Variants in NSL1 observed in about 807,000 individuals in gnomAD.
NSL1 encodes kinetochore-associated protein NSL1 homolog.
In NSL1, 11 loss-of-function variants were observed where a neutral mutation model predicts 25.4. The ratio of observed to expected loss-of-function variants is 0.43; its 90% confidence interval spans 0.27 to 0.72. The LOEUF is 0.72. NSL1 is among the 30% of genes least tolerant of loss of function. The pLI is 0.19. For missense variants in NSL1, 330 were observed against 342.7 expected, an observed-to-expected ratio of 0.96 and a Z score of 0.29; for synonymous variants, 118 against 120.6, an observed-to-expected ratio of 0.98 and a Z score of 0.14.
Position 212,728,715 on chromosome 1 carries a change from C to T in NSL1, c.*9693G>A. The stretch of plus-strand genomic sequence containing the variant: ...AGATCTCTGGAGAATGGAACACCTT[C>T]ACAGACAACATCAGGGATAAACCTG... On this transcript the variant is annotated 3_prime_UTR_variant, in exon 6 of 6. Coordinates refer to ENST00000366977, the MANE Select transcript of NSL1 (RefSeq NM_015471.4). The T allele has an allele frequency of 1.0e-6, 1 of 985,462 alleles. No individual in the cohort carries two copies. The highest frequency in any genetic ancestry group is 1.2e-6 in the Non-Finnish European group (1 of 829,940). 61.0% of individuals were successfully genotyped at this position (985,462 alleles called of 1,614,324 possible).
rs1657882216 is a variant in NSL1 at position 212,728,623 on chromosome 1, T to C, written c.*9785A>G. On this transcript the variant is annotated 3_prime_UTR_variant, in exon 6 of 6. Transcript: ENST00000366977. ...GGAAAAAAATGGTTTCTGAGAATTCTGAGGCTCTGATCTGATGAGTGAAGG... is the reference window on the plus strand; with the variant it reads ...GGAAAAAAATGGTTTCTGAGAATTCCGAGGCTCTGATCTGATGAGTGAAGG... The C allele has an allele frequency of 2.0e-6, 2 of 985,476 alleles. No individual in the cohort carries two copies. The highest frequency in any genetic ancestry group is 2.4e-6 in the Non-Finnish European group (2 of 829,938). 61.0% of individuals were successfully genotyped at this position (985,476 alleles called of 1,614,324 possible). A position where few individuals can be genotyped will look rare whatever the true frequency, so the allele number is the denominator to read the frequency against.
chr1:212,789,346 G>A (rs1661078515), intron 1 of NSL1, among the ~76,000 whole-genome samples: 1 of 152,048 alleles, frequency 6.6e-6, no homozygotes, highest in Non-Finnish European at 1.5e-5. Flanking sequence ...CGAATAGCTG[G>A]GATTACAGGC....
chr1:212,774,216 A>G (rs1423456818), intron 4 of NSL1, among the ~76,000 whole-genome samples: 2 of 152,230 alleles, frequency 1.3e-5, no homozygotes, highest in East Asian at 1.9e-4. Flanking sequence ...AATATGTCAT[A>G]TATTTCAAAA....
At chr1:212,745,175 T>A (rs377757953) in intron 4 of NSL1, among the ~76,000 whole-genome samples, 6 of 31,362 alleles carry the variant, frequency 1.9e-4, no homozygotes, top group Non-Finnish European at 3.2e-4. Flanking sequence ...TATATATATA[T>A]ATATATATAT....
chr1:212,784,640 T>C (rs1053899546), intron 2 of NSL1, 147 bp from the exon 3 acceptor site: 3 of 485,056 alleles, frequency 6.2e-6, no homozygotes, highest in African/African-American at 2.0e-5. Context: ...GCCCCCACTT[T>C]GGTGATTAAT....
intron 4 of NSL1, among the ~76,000 whole-genome samples, chr1:212,756,012 C>A (rs1476042198): frequency 6.6e-6 from 1 of 151,922 alleles, no homozygotes; most frequent in Non-Finnish European, 1.5e-5. Flanking sequence ...ATTATATAAG[C>A]ACAGAAAAAA....
chr1:212,786,611 C>G (rs1660957588), intron 2 of NSL1, among the ~76,000 whole-genome samples: 1 of 152,100 alleles, frequency 6.6e-6, no homozygotes. Context: ...AGTTCGAGAC[C>G]AGCCTGGCCA....
rs146941877 is a variant in NSL1 at position 212,734,134 on chromosome 1, A to C, written c.*4274T>G. Among the ~76,000 whole-genome samples the C allele has an allele frequency of 1.6e-4, 24 of 152,018 alleles. No individual in the cohort carries two copies. The highest frequency in any genetic ancestry group is 5.1e-4 in the African/African-American group (21 of 41,452). On this transcript the variant is annotated 3_prime_UTR_variant, in exon 6 of 6. Coordinates refer to ENST00000366977, the MANE Select transcript of NSL1 (RefSeq NM_015471.4). ...ATTCCGATTTTCCAAAAAATGTATG[A>C]TTTTCTCTTCTTTCTGGGAGTACAG... is the stretch of plus-strand genomic sequence containing the variant.
intron 4 of NSL1, among the ~76,000 whole-genome samples, chr1:212,754,179 G>A (rs1558046863): frequency 6.6e-6 from 1 of 152,144 alleles, no homozygotes; most frequent in Non-Finnish European, 1.5e-5. Flanking sequence ...TTTCAGTAGT[G>A]CATAAAACTC....
chr1:212,766,250 A>T (rs1659810535), intron 4 of NSL1: 4 of 647,646 alleles, frequency 6.2e-6, no homozygotes, highest in Non-Finnish European at 1.1e-5. Flanking sequence ...AATGGGGAAA[A>T]GTTGAAAGCA....
chr1:212,761,254 A>G (rs1316666315), intron 4 of NSL1, among the ~76,000 whole-genome samples: 3 of 152,230 alleles, frequency 2.0e-5, no homozygotes, highest in Non-Finnish European at 4.4e-5. Context: ...ATTCCAGTGA[A>G]AAAGAAATCT....
In NSL1 at chr1:212,727,053, G is replaced by GCGCC; in HGVS notation, c.*11354_*11355insGGCG. 1 of 1,505,548 alleles carries GCGCC rather than the reference G, an allele frequency of 6.6e-7. No individual in the cohort carries two copies. Among genetic ancestry groups the GCGCC allele is most frequent in the Non-Finnish European group, 8.9e-7 (1 of 1,119,426 alleles). The allele number at this position is 1,505,548 out of a possible 1,614,324, so 93.3% of individuals were successfully genotyped here. On this transcript the variant is annotated 3_prime_UTR_variant, in exon 6 of 6. Transcript: ENST00000366977. Reference sequence around the variant, plus strand: ...GGAGATGACTGCCGAGAGAGGGAGGGCGGGCTCTGGGTCACCCAGCTTCAT... The same window carrying GCGCC: ...GGAGATGACTGCCGAGAGAGGGAGGGCGCCCGGGCTCTGGGTCACCCAGCTTCAT...
intron 4 of NSL1, among the ~76,000 whole-genome samples, chr1:212,745,165 T>A (rs1408724219): frequency 0.05 from 923 of 18,308 alleles, 3 homozygotes; most frequent in East Asian, 0.096. Context: ...ACAAACTATA[T>A]ATATATATAT....
At chr1:212,776,828 T>C (rs1660395983) in intron 4 of NSL1, among the ~76,000 whole-genome samples, 2 of 151,794 alleles carry the variant, frequency 1.3e-5, no homozygotes, top group Admixed American at 1.3e-4. Context: ...TGTCAATGCT[T>C]GTGGTATGTA....
rs1259917926 is a variant in NSL1 at position 212,753,393 on chromosome 1, G to T, written c.500-13792C>A. Among the ~76,000 whole-genome samples, 5 of 152,248 alleles carry T rather than the reference G, an allele frequency of 3.3e-5. No individual in the cohort carries two copies. The East Asian group carries it at 9.6e-4, about 29-fold the overall frequency. On this transcript the variant is annotated intron_variant, in intron 4 of 5. Coordinates refer to ENST00000366977, the MANE Select transcript of NSL1 (RefSeq NM_015471.4). ...TTCTTGATTTAAGAACTTTATTCTAGCTCTTCCCTCTGCTTGACAGCTCTT... is the reference window on the plus strand; with the variant it reads ...TTCTTGATTTAAGAACTTTATTCTATCTCTTCCCTCTGCTTGACAGCTCTT...
chr1:212,736,683 T>C lies in NSL1; in HGVS notation c.*1725A>G, dbSNP rs978642036. ...ATCTCAGCTGTCTGCCTGGGGACTT[T>C]AAAATATAACCATTTTTTAAAAACT... On this transcript the variant is annotated 3_prime_UTR_variant, in exon 6 of 6. Coordinates refer to ENST00000366977, the MANE Select transcript of NSL1 (RefSeq NM_015471.4). 5.1e-6 allele frequency: 5 copies of C among 984,388 alleles called. No homozygotes were observed. The highest frequency in any genetic ancestry group is 5.2e-4 in the Middle Eastern group (1 of 1,936). The allele number at this position is 984,388 out of a possible 1,614,324, so 61.0% of individuals were successfully genotyped here. A position where few individuals can be genotyped will look rare whatever the true frequency, so the allele number is the denominator to read the frequency against.
At chr1:212,777,455 G>A (rs1660426593) in intron 4 of NSL1, among the ~76,000 whole-genome samples, 1 of 152,100 alleles carries the variant, frequency 6.6e-6, no homozygotes, top group Non-Finnish European at 1.5e-5. Flanking sequence ...ATGGATAGTG[G>A]AATATTCATA....
Position 212,731,512 on chromosome 1 carries a change from C to A in NSL1, c.*6896G>T, listed in dbSNP as rs1658014968. 1 of 985,242 alleles carries A rather than the reference C, an allele frequency of 1.0e-6. No homozygotes were observed. 61.0% of individuals were successfully genotyped at this position (985,242 alleles called of 1,614,324 possible). ...TCTAGGGGATGATTTGTCTCTTAAA[C>A]CAAATTTATTTTCCCTTAATTACTA... On this transcript the variant is annotated 3_prime_UTR_variant, in exon 6 of 6. Transcript: ENST00000366977.
At chr1:212,759,112 T>C (rs1220010941) in intron 4 of NSL1, among the ~76,000 whole-genome samples, 1 of 152,150 alleles carries the variant, frequency 6.6e-6, no homozygotes, top group Non-Finnish European at 1.5e-5. Flanking sequence ...AAGGCAAGCA[T>C]AAATCTTTAT....
Sources: allele counts gnomAD v4.1 joint callset (sites outside exome capture counted in the v4.1 genomes callset), GRCh38; gene constraint gnomAD v4.1.1; transcripts MANE v1.5; gene names NCBI Gene and HGNC (gene_info 2026-07-23, HGNC 2026-07-21).